The following RALGPS1 variants were observed in gnomAD, a reference collection of about 807,000 sequenced individuals.
RALGPS1 encodes the protein Ral GEF with PH domain and SH3 binding motif 1.
RALGPS1 carries 19 observed loss-of-function variants against 78.8 expected under a neutral mutation model. The observed-to-expected ratio is 0.24, with a 90% CI of 0.17 to 0.35. RALGPS1 has a LOEUF of 0.35. RALGPS1 is among the 10% of genes least tolerant of loss of function. The pLI is 1.00. For missense variants in RALGPS1, 454 were observed against 688.3 expected (o/e 0.66, Z 3.81); for synonymous variants, 228 against 256.3 (o/e 0.89, Z 1.06).
intron 4 of RALGPS1, among the ~76,000 whole-genome samples, chr9:127,020,913 A>C (rs546277727): frequency 6.6e-6 from 1 of 152,316 alleles, no homozygotes; most frequent in South Asian, 2.1e-4. Flanking sequence ...CAATAATAGT[A>C]CCTATTTCAT....
At chr9:127,134,952 A>G (rs1220837718) in intron 8 of RALGPS1, among the ~76,000 whole-genome samples, 1 of 152,102 alleles carries the variant, frequency 6.6e-6, no homozygotes, top group Non-Finnish European at 1.5e-5. Flanking sequence ...ACTGTGGGGA[A>G]GAGAGAGGGT....
At position 127,220,839 on chromosome 9, in the gene RALGPS1, C is replaced by T. The variant is rs2062754317; in HGVS notation, c.*2070C>T. 6.6e-6 allele frequency: 1 copy of T among 152,540 alleles called. No individual in the cohort carries two copies. Among genetic ancestry groups the T allele is most frequent in the Non-Finnish European group, 1.5e-5 (1 of 68,040 alleles). 9.4% of individuals were successfully genotyped at this position (152,540 alleles called of 1,614,324 possible). The stretch of plus-strand genomic sequence containing the variant: ...CAATGAAGTATTATAGATGCCAATC[C>T]AAAACCTCAGAATTTCAGGCACCAC... On this transcript the variant is annotated 3_prime_UTR_variant, in exon 19 of 19. Coordinates refer to ENST00000259351, the MANE Select transcript of RALGPS1 (RefSeq NM_014636.3).
intron 4 of RALGPS1, among the ~76,000 whole-genome samples, chr9:127,006,913 CT>C (rs60208446): frequency 0.32 from 48,120 of 151,486 alleles, 9,721 homozygotes; most frequent in Non-Finnish European, 0.42. Flanking sequence ...TCGGTATTAA[CT>C]TTTGTGCATG....
rs374312179 is a variant in RALGPS1, at chr9:127,108,521, C to T, written c.610+39165C>T. The T allele has an allele frequency of 1.5e-5, 25 of 1,612,930 alleles. No homozygotes were observed. Among genetic ancestry groups the T allele is most frequent in the African/African-American group, 5.4e-5 (4 of 74,472 alleles). The stretch of plus-strand genomic sequence containing the variant: ...AGCACCTCAGGCTCCTTGGAGTTGA[C>T]GCAGATGGCACCCGTGACCCGCTGC... On this transcript the variant is annotated intron_variant, in intron 8 of 18. Coordinates refer to ENST00000259351, the MANE Select transcript of RALGPS1 (RefSeq NM_014636.3).
In RALGPS1 at chr9:127,222,953, C is replaced by T. The variant is rs984270801; in HGVS notation, c.*4184C>T. 1 of 152,646 alleles carries T rather than the reference C, an allele frequency of 6.6e-6. No individual in the cohort carries two copies. The highest frequency in any genetic ancestry group is 6.5e-5 in the Admixed American group (1 of 15,276). 9.5% of individuals were successfully genotyped at this position (152,646 alleles called of 1,614,324 possible). On this transcript the variant is annotated 3_prime_UTR_variant, in exon 19 of 19. Transcript: ENST00000259351. Reference sequence around the variant, plus strand: ...AGTTGTGTAAGGACTTTCTCTAATTCTTGTGAATCGTCTCACCCGCAGTAA... The same window carrying T: ...AGTTGTGTAAGGACTTTCTCTAATTTTTGTGAATCGTCTCACCCGCAGTAA...
chr9:127,153,052 G>A (rs1041642093), intron 8 of RALGPS1, among the ~76,000 whole-genome samples: 3 of 152,174 alleles, frequency 2.0e-5, no homozygotes, highest in Non-Finnish European at 4.4e-5. Flanking sequence ...TCAGGTTTTC[G>A]TAGTTTTCTT....
chr9:127,212,784 T>C lies in RALGPS1; in HGVS notation c.1446+65T>C, dbSNP rs2062349221. ...TAGTGGGGAAGGGACCTCTGTGAAC[T>C]GTGGAGGATGGGGGTGGGAAAGGGA... On this transcript the variant is annotated intron_variant, in intron 16 of 18. Coordinates refer to ENST00000259351, the MANE Select transcript of RALGPS1 (RefSeq NM_014636.3). The surrounding 1 kb of genome is among the most constrained non-coding windows in gnomAD (Gnocchi z 6.0). 3.5e-5 allele frequency: 53 copies of C among 1,527,806 alleles called. No individual in the cohort carries two copies. The highest frequency in any genetic ancestry group is 4.5e-5 in the Non-Finnish European group (50 of 1,111,924). The allele number at this position is 1,527,806 out of a possible 1,614,324, so 94.6% of individuals were successfully genotyped here.
At chr9:127,139,993 C>T (rs947027511) in intron 8 of RALGPS1, among the ~76,000 whole-genome samples, 6 of 152,310 alleles carry the variant, frequency 3.9e-5, no homozygotes, top group South Asian at 2.1e-4. Context: ...CTTTGGGAAA[C>T]GCAGAGATGA....
chr9:127,066,894 A>ACTCACTACAGC (rs2135780961), intron 7 of RALGPS1, among the ~76,000 whole-genome samples: 1 of 152,066 alleles, frequency 6.6e-6, no homozygotes, highest in African/African-American at 2.4e-5. Context: ...CTCACTACAG[A>ACTCACTACAGC]CTCACTACAG....
chr9:127,025,695 T>TC (rs1458996608), intron 4 of RALGPS1, among the ~76,000 whole-genome samples: 1 of 151,864 alleles, frequency 6.6e-6, no homozygotes, highest in African/African-American at 2.4e-5. Context: ...ATCTTTTCTT[T>TC]CATTTTTTTT....
chr9:127,178,708 T>A (rs1198459634), intron 11 of RALGPS1, among the ~76,000 whole-genome samples: 3 of 152,286 alleles, frequency 2.0e-5, no homozygotes, highest in Non-Finnish European at 4.4e-5. Flanking sequence ...CCTCTTTGGT[T>A]GACATATCGC....
At position 127,217,420 on chromosome 9, in the gene RALGPS1, AGT is replaced by A; in HGVS notation, c.1645-1316_1645-1315del. 5.1e-6 allele frequency: 5 copies of A among 988,932 alleles called. No homozygotes were observed. In the South Asian group the frequency reaches 2.3e-4, roughly 46 times the overall value. The allele number at this position is 988,932 out of a possible 1,614,324, so 61.3% of individuals were successfully genotyped here. On this transcript the variant is annotated intron_variant, in intron 18 of 18. Transcript: ENST00000259351. ...GGAATGCCAGGAGGGTGTAAGAAAGAGTGTGACAGAAATGCATCTATTCACAA... is the reference window on the plus strand; with the variant it reads ...GGAATGCCAGGAGGGTGTAAGAAAGAGTGACAGAAATGCATCTATTCACAA...
At chr9:127,116,787 G>A (rs573489361) in intron 8 of RALGPS1, among the ~76,000 whole-genome samples, 15 of 152,300 alleles carry the variant, frequency 9.8e-5, no homozygotes, top group Non-Finnish European at 1.9e-4. Context: ...CACTGATCCC[G>A]GTAGCTCTTT....
chr9:127,007,605 A>AGGGGAGAAGGAGTTTTTC (rs1329668305), intron 4 of RALGPS1, among the ~76,000 whole-genome samples: 4 of 152,168 alleles, frequency 2.6e-5, no homozygotes, highest in Admixed American at 2.6e-4. Flanking sequence ...GAACTGGTAA[A>AGGGGAGAAGGAGTTTTTC]GGGGAGAAGG....
At chr9:127,086,219 A>G (rs1267047019) in intron 8 of RALGPS1, among the ~76,000 whole-genome samples, 1 of 152,178 alleles carries the variant, frequency 6.6e-6, no homozygotes, top group Non-Finnish European at 1.5e-5. Flanking sequence ...AAGCTATCAT[A>G]TGGTTATGCC....
chr9:127,170,554 G>A (rs1397144703), intron 10 of RALGPS1, among the ~76,000 whole-genome samples: 3 of 152,122 alleles, frequency 2.0e-5, no homozygotes, highest in Non-Finnish European at 1.5e-5. Flanking sequence ...CGAAGCATTG[G>A]CTCTTCCTGA....
chr9:127,065,123 T>C (rs1221652848), intron 7 of RALGPS1, among the ~76,000 whole-genome samples: 1 of 151,908 alleles, frequency 6.6e-6, no homozygotes, highest in Non-Finnish European at 1.5e-5. Flanking sequence ...TAATTATTAT[T>C]ATTTTTTTGA....
intron 1 of RALGPS1, among the ~76,000 whole-genome samples, chr9:126,934,048 G>A (rs184731627): frequency 5.3e-5 from 8 of 152,300 alleles, no homozygotes; most frequent in South Asian, 2.1e-4. Flanking sequence ...TTACCACAGC[G>A]TGTATCCAAA....
intron 12 of RALGPS1, among the ~76,000 whole-genome samples, chr9:127,195,514 A>G (rs1245494812): frequency 6.6e-6 from 1 of 152,126 alleles, no homozygotes; most frequent in Non-Finnish European, 1.5e-5. Flanking sequence ...CATTCCAGAG[A>G]ATTTGCCCAA....
Sources: allele counts gnomAD v4.1 joint callset (sites outside exome capture counted in the v4.1 genomes callset), GRCh38; gene constraint gnomAD v4.1.1; non-coding constraint Gnocchi (gnomAD v3.1); transcripts MANE v1.5; gene names NCBI Gene and HGNC (gene_info 2026-07-23, HGNC 2026-07-21).